GRIA2: variants seen among roughly 807,000 people sequenced by gnomAD.
GRIA2 encodes the protein glutamate ionotropic receptor AMPA type subunit 2.
A neutral mutation model predicts 97.3 loss-of-function variants in GRIA2; 14 were observed. The observed-to-expected ratio is 0.14, with a 90% CI of 0.10 to 0.23. GRIA2 has a LOEUF of 0.23. Ranked by LOEUF, GRIA2 falls within the 10% of genes least tolerant of loss-of-function variation. The pLI, the probability that GRIA2 is intolerant of heterozygous loss-of-function variation, is 1.00. For missense variants in GRIA2, 558 were observed against 1,069.8 expected (o/e 0.52, Z 6.67); for synonymous variants, 412 against 387.8 (o/e 1.06, Z -0.73).
At chr4:157,345,651 C>T (rs888470871) in intron 12 of GRIA2, among the ~76,000 whole-genome samples, 11 of 152,048 alleles carry the variant, frequency 7.2e-5, no homozygotes, top group Non-Finnish European at 1.3e-4. Flanking sequence ...CTTATCTAAA[C>T]CTATCATTGG....
intron 2 of GRIA2, among the ~76,000 whole-genome samples, chr4:157,302,180 A>G (rs1733646053): frequency 6.6e-6 from 1 of 151,236 alleles, no homozygotes; most frequent in South Asian, 2.1e-4. Flanking sequence ...GTGTCTCAAA[A>G]AAAAAAAAAA....
chr4:157,332,788 G>T, intron 6 of GRIA2, 31 bp from the exon 7 acceptor site: 1 of 1,571,906 alleles, frequency 6.4e-7, no homozygotes, highest in Non-Finnish European at 8.7e-7. Flanking sequence ...ATTTTCTCCC[G>T]TTCTTATGAA....
At chr4:157,340,228 C>G (rs1036398494) in intron 11 of GRIA2, among the ~76,000 whole-genome samples, 1 of 151,820 alleles carries the variant, frequency 6.6e-6, no homozygotes, top group Admixed American at 6.6e-5. Flanking sequence ...ATTTTTAGAA[C>G]TATCACTTGT....
At chr4:157,261,187 C>T (rs4587004) in intron 2 of GRIA2, among the ~76,000 whole-genome samples, 48,864 of 151,864 alleles carry the variant, frequency 0.32, 8,260 homozygotes, top group African/African-American at 0.42. Context: ...TCTTACATGG[C>T]GGCAGGCAAT....
At chr4:157,351,047 A>C (rs1450101930) in intron 12 of GRIA2, among the ~76,000 whole-genome samples, 1 of 151,610 alleles carries the variant, frequency 6.6e-6, no homozygotes, top group African/African-American at 2.4e-5. Flanking sequence ...ATCTTCATCC[A>C]AATTGTTGAC....
chr4:157,291,036 A>G (rs755666200), intron 2 of GRIA2, among the ~76,000 whole-genome samples: 5 of 151,996 alleles, frequency 3.3e-5, no homozygotes, highest in Admixed American at 6.6e-5. Context: ...AACTGAATTC[A>G]TATGTGCCTA....
At chr4:157,272,056 G>T (rs563041970) in intron 2 of GRIA2, among the ~76,000 whole-genome samples, 1 of 152,060 alleles carries the variant, frequency 6.6e-6, no homozygotes, top group Non-Finnish European at 1.5e-5. Flanking sequence ...TAACATTGTA[G>T]ATCAACCAGC....
chr4:157,355,741 TTTATATATTTAC>T (rs1194732303), intron 12 of GRIA2, among the ~76,000 whole-genome samples: 8,447 of 57,518 alleles, frequency 0.15, 1,326 homozygotes, highest in African/African-American at 0.34. Context: ...TATATATTTA[TTTATATATTTAC>T]ATATATTAGT....
At chr4:157,270,925 G>GTT (rs112137551) in intron 2 of GRIA2, among the ~76,000 whole-genome samples, 18,718 of 145,042 alleles carry the variant, frequency 0.13, 1,372 homozygotes, top group Non-Finnish European at 0.17. Context: ...ACTACAATTT[G>GTT]TTTTTTTTTT....
intron 3 of GRIA2, among the ~76,000 whole-genome samples, chr4:157,309,346 T>C (rs938063997): frequency 1.3e-5 from 2 of 151,134 alleles, no homozygotes; most frequent in African/African-American, 4.9e-5. Context: ...GAGAAATTTC[T>C]TGGTTTTTTT....
chr4:157,248,880 C>T (rs1730894205), intron 2 of GRIA2, among the ~76,000 whole-genome samples: 2 of 150,474 alleles, frequency 1.3e-5, no homozygotes, highest in African/African-American at 4.9e-5. Flanking sequence ...CTCTGTCACC[C>T]AGACTGGAGT....
At chr4:157,268,713 A>G (rs914437839) in intron 2 of GRIA2, among the ~76,000 whole-genome samples, 1 of 151,964 alleles carries the variant, frequency 6.6e-6, no homozygotes, top group Non-Finnish European at 1.5e-5. Context: ...GATCCTACTT[A>G]TTATTTATTT....
At position 157,335,668 on chromosome 4, in the gene GRIA2, T is replaced by C. The variant is rs748847774; in HGVS notation, c.1267-3T>C. On this transcript the variant is annotated splice_polypyrimidine_tract_variant and splice_region_variant and intron_variant, in intron 9 of 15. Coordinates refer to ENST00000264426, the MANE Select transcript of GRIA2 (RefSeq NM_001083619.3). ...TCAGCTAAAGCAAAGTCTTTTCATA[T>C]AGGAATCTCCGTATGTTATGATGAA... The C allele has an allele frequency of 1.3e-6, 2 of 1,568,068 alleles. No individual in the cohort carries two copies. The highest frequency in any genetic ancestry group is 1.7e-5 in the Admixed American group (1 of 59,774).
Position 157,310,779 on chromosome 4 carries a change from T to C in GRIA2, c.470-1900T>C, listed in dbSNP as rs1579353022. Among the ~76,000 whole-genome samples, 2 of 152,214 alleles carry C rather than the reference T, an allele frequency of 1.3e-5. 1 individual carries two copies. The highest frequency in any genetic ancestry group is 4.8e-5 in the African/African-American group (2 of 41,568). ...TAAGACTCTTAGAATGTAATGCAGT[T>C]TCCCACAGTCTAGATTTTGATGATT... On this transcript the variant is annotated intron_variant, in intron 3 of 15. Transcript: ENST00000264426.
At chr4:157,264,157 A>T (rs1731667006) in intron 2 of GRIA2, among the ~76,000 whole-genome samples, 1 of 152,082 alleles carries the variant, frequency 6.6e-6, no homozygotes, top group African/African-American at 2.4e-5. Context: ...TGGGTAATGT[A>T]TTGGCTTTCT....
chr4:157,260,268 A>G (rs1357675801), intron 2 of GRIA2, among the ~76,000 whole-genome samples: 2 of 152,094 alleles, frequency 1.3e-5, no homozygotes, highest in East Asian at 3.9e-4. Flanking sequence ...CAGATTATGT[A>G]CCATTTCTTG....
chr4:157,365,633 G>A lies in GRIA2; in HGVS notation c.*2202G>A, dbSNP rs1736852503. 1 of 151,906 alleles carries A rather than the reference G, an allele frequency of 6.6e-6. No individual in the cohort carries two copies. The highest frequency in any genetic ancestry group is 1.5e-5 in the Non-Finnish European group (1 of 67,560). 9.4% of individuals were successfully genotyped at this position (151,906 alleles called of 1,614,324 possible). On this transcript the variant is annotated 3_prime_UTR_variant, in exon 16 of 16. Transcript: ENST00000264426. ...TGGATAATGCACATCTCAGTTACAAGCAGTACTCATAGTTTAATATCCATG... is the reference window on the plus strand; with the variant it reads ...TGGATAATGCACATCTCAGTTACAAACAGTACTCATAGTTTAATATCCATG...
At chr4:157,273,478 G>T (rs1732127134) in intron 2 of GRIA2, among the ~76,000 whole-genome samples, 1 of 151,958 alleles carries the variant, frequency 6.6e-6, no homozygotes, top group Non-Finnish European at 1.5e-5. Context: ...GGGCTTCAAT[G>T]GCAAAAGTAA....
At chr4:157,237,519 A>G (rs1730308589) in intron 2 of GRIA2, among the ~76,000 whole-genome samples, 5 of 152,060 alleles carry the variant, frequency 3.3e-5, no homozygotes, top group Admixed American at 3.3e-4. Flanking sequence ...GCCTCAAGCA[A>G]TCCTTCCATC....
Sources: allele counts gnomAD v4.1 joint callset (sites outside exome capture counted in the v4.1 genomes callset), GRCh38; gene constraint gnomAD v4.1.1; transcripts MANE v1.5; gene names NCBI Gene and HGNC (gene_info 2026-07-23, HGNC 2026-07-21).